GCNT2: variants seen among roughly 807,000 people sequenced by gnomAD.
The protein encoded by GCNT2 is N-acetyllactosaminide beta-1,6-N-acetylglucosaminyl-transferase.
In GCNT2, 34 loss-of-function variants were observed where a neutral mutation model predicts 34.2. The observed-to-expected ratio is 1.00, with a 90% CI of 0.76 to 1.32. The LOEUF (loss-of-function observed/expected upper bound fraction) is 1.32. Among genes scored for constraint, GCNT2 ranks in the 40% most tolerant of loss-of-function variants. GCNT2 has a pLI of 0.00. For synonymous variants in GCNT2, 212 were observed against 188.0 expected, an observed-to-expected ratio of 1.13 and a Z score of -1.04; for missense variants, 584 against 489.4, an observed-to-expected ratio of 1.19 and a Z score of -1.82.
At chr6:10,554,331 AAC>A (rs1762603048) in intron 3 of GCNT2, among the ~76,000 whole-genome samples, 1 of 152,254 alleles carries the variant, frequency 6.6e-6, no homozygotes, top group African/African-American at 2.4e-5. Flanking sequence ...TATATTTTTC[AAC>A]ACACAATGCC....
chr6:10,601,494 T>C (rs899505879), intron 3 of GCNT2, among the ~76,000 whole-genome samples: 2 of 152,144 alleles, frequency 1.3e-5, no homozygotes, highest in African/African-American at 4.8e-5. Context: ...AACGCCCCAG[T>C]ATGGTTTCTT....
At chr6:10,616,237 C>T (rs540543208) in intron 3 of GCNT2, among the ~76,000 whole-genome samples, 13 of 152,222 alleles carry the variant, frequency 8.5e-5, no homozygotes, top group African/African-American at 2.6e-4. Flanking sequence ...CCAGTGGGTT[C>T]GTGGTTTTGC....
intron 3 of GCNT2, among the ~76,000 whole-genome samples, chr6:10,558,944 ATATT>A (rs1392376413): frequency 6.6e-6 from 1 of 152,220 alleles, no homozygotes; most frequent in African/African-American, 2.4e-5. Context: ...TCATATTTAA[ATATT>A]TATTCCCTTT....
chr6:10,596,628 C>A (rs751238937), intron 3 of GCNT2, among the ~76,000 whole-genome samples: 47 of 151,750 alleles, frequency 3.1e-4, no homozygotes, highest in Non-Finnish European at 3.7e-4. Flanking sequence ...ACACTGGTAT[C>A]CCACTGTATG....
intron 3 of GCNT2, among the ~76,000 whole-genome samples, chr6:10,579,826 CAA>C (rs61490868): frequency 0.011 from 1,021 of 89,922 alleles, 19 homozygotes; most frequent in African/African-American, 0.046. Flanking sequence ...AAAAAACAAA[CAA>C]AAAAAAAAAA....
chr6:10,619,814 A>G (rs1480959557), intron 3 of GCNT2, among the ~76,000 whole-genome samples: 1 of 152,234 alleles, frequency 6.6e-6, no homozygotes, highest in Non-Finnish European at 1.5e-5. Context: ...TGGCTGGGTC[A>G]GGTTCCTGTC....
At chr6:10,583,913 TG>T (rs1476542481) in intron 3 of GCNT2, among the ~76,000 whole-genome samples, 1 of 152,188 alleles carries the variant, frequency 6.6e-6, no homozygotes. Flanking sequence ...CTCTCTGGCA[TG>T]CAAACTTAGG....
Position 10,621,531 on chromosome 6 carries a change from G to C in GCNT2, c.1018+88G>C, listed in dbSNP as rs1357865009. The C allele has an allele frequency of 3.7e-6, 3 of 813,688 alleles. No homozygotes were observed. In the East Asian group the frequency reaches 7.8e-5, roughly 21 times the overall value. 50.4% of individuals were successfully genotyped at this position (813,688 alleles called of 1,614,324 possible). On this transcript the variant is annotated intron_variant, in intron 4 of 4. Transcript: ENST00000495262. ...GGAATCCAGGGTTCTCATGGAGAGA[G>C]AATTGCTGCTATATTTAGACCAATC...
intron 3 of GCNT2, among the ~76,000 whole-genome samples, chr6:10,587,143 T>A (rs1764390651): frequency 6.6e-6 from 1 of 152,256 alleles, no homozygotes; most frequent in African/African-American, 2.4e-5. Context: ...TAACTTTGAT[T>A]ACATAGTTGC....
In GCNT2 at chr6:10,581,332, G is replaced by A. The variant is rs748678589; in HGVS notation, c.926-40019G>A. 4.6e-5 allele frequency among the ~76,000 whole-genome samples: 7 copies of A among 152,038 alleles called. No individual in the cohort carries two copies. In the South Asian group the frequency reaches 8.3e-4, roughly 18 times the overall value. On this transcript the variant is annotated intron_variant, in intron 3 of 4. Coordinates refer to ENST00000495262, the MANE Select transcript of GCNT2 (RefSeq NM_145649.5). ...GTTGCCCAGGCTGGAGTGCAATGGC[G>A]TGATCTGGGCTCACTGCAACCTCTG...
At chr6:10,521,440 G>T (rs1388316968) in intron 1 of GCNT2, 23 bp downstream of exon 1, 1 of 153,172 alleles carries the variant, frequency 6.5e-6, no homozygotes. Context: ...CAGCGTGCTG[G>T]GAAACTGGTG....
At chr6:10,522,508 T>A (rs1760967752) in intron 1 of GCNT2, among the ~76,000 whole-genome samples, 1 of 152,202 alleles carries the variant, frequency 6.6e-6, no homozygotes, top group Non-Finnish European at 1.5e-5. Flanking sequence ...CTGTAGGCTG[T>A]GGTTTTCCAG....
intron 3 of GCNT2, among the ~76,000 whole-genome samples, chr6:10,533,444 C>G (rs979349989): frequency 9.9e-5 from 15 of 151,684 alleles, no homozygotes; most frequent in Non-Finnish European, 1.5e-5. Context: ...TTAGATTTTC[C>G]AGGAGCCACA....
chr6:10,563,760 A>G (rs1763131834), intron 3 of GCNT2, among the ~76,000 whole-genome samples: 1 of 46,872 alleles, frequency 2.1e-5, no homozygotes, highest in Non-Finnish European at 4.3e-5. Context: ...AAAAAAGAAA[A>G]AAAAAAAAAA....
intron 3 of GCNT2, among the ~76,000 whole-genome samples, chr6:10,617,943 CAG>C (rs1325563427): frequency 2.0e-5 from 3 of 151,704 alleles, no homozygotes; most frequent in Non-Finnish European, 4.4e-5. Flanking sequence ...TTAGTAGAGA[CAG>C]GGTTTCACCA....
Position 10,626,683 on chromosome 6 carries a change from C to T in GCNT2, c.*76C>T. On this transcript the variant is annotated 3_prime_UTR_variant, in exon 5 of 5. Coordinates refer to ENST00000495262, the MANE Select transcript of GCNT2 (RefSeq NM_145649.5). ...AGCCTGTTTTTGTGAGAGACTTTTG[C>T]CTTCGTAATGTTAACCGTTTCAGGA... 2.7e-6 allele frequency: 3 copies of T among 1,111,466 alleles called. No individual in the cohort carries two copies. The Admixed American group carries it at 5.3e-5, about 20-fold the overall frequency. The allele number at this position is 1,111,466 out of a possible 1,614,324, so 68.9% of individuals were successfully genotyped here. A position where few individuals can be genotyped will look rare whatever the true frequency, so the allele number is the denominator to read the frequency against.
intron 3 of GCNT2, among the ~76,000 whole-genome samples, chr6:10,539,651 AG>A (rs1299121982): frequency 4.6e-5 from 7 of 152,302 alleles, no homozygotes; most frequent in South Asian, 2.1e-4. Flanking sequence ...AGAGAGAGAG[AG>A]AAAACAGATG....
intron 3 of GCNT2, chr6:10,556,690 A>T: frequency 6.2e-6 from 10 of 1,614,228 alleles, no homozygotes; most frequent in Non-Finnish European, 8.5e-6. Flanking sequence ...TATCTAAGGA[A>T]GAAGCTGACT....
At chr6:10,598,327 C>G (rs925925621) in intron 3 of GCNT2, among the ~76,000 whole-genome samples, 3 of 152,172 alleles carry the variant, frequency 2.0e-5, no homozygotes, top group Admixed American at 1.3e-4. Context: ...GGGTATATCT[C>G]CCCTCTCAGC....
Sources: gnomAD v4.1 joint callset for allele counts (sites outside exome capture counted in the v4.1 genomes callset) on GRCh38, gnomAD v4.1.1 for gene constraint, MANE v1.5 for transcripts, NCBI Gene and HGNC (gene_info 2026-07-23, HGNC 2026-07-21) for gene names.